LMBR1: variants seen among roughly 807,000 people sequenced by gnomAD.
The protein encoded by LMBR1 is limb region 1 protein homolog.
A neutral mutation model predicts 73.9 loss-of-function variants in LMBR1; 52 were observed. That is an observed-to-expected ratio of 0.70 (90% CI 0.56 to 0.89). The LOEUF is 0.89. Ranked by LOEUF, LMBR1 falls within the 40% of genes least tolerant of loss-of-function variation. LMBR1 has a pLI of 0.00. For missense variants in LMBR1, 539 were observed against 579.8 expected, an observed-to-expected ratio of 0.93 and a Z score of 0.72; for synonymous variants, 215 against 209.4, an observed-to-expected ratio of 1.03 and a Z score of -0.23.
At chr7:156,867,353 G>C (rs1239517693) in intron 1 of LMBR1, among the ~76,000 whole-genome samples, 2 of 152,192 alleles carry the variant, frequency 1.3e-5, no homozygotes, top group Non-Finnish European at 2.9e-5. Context: ...AAAACAGGTT[G>C]GCAGTTCCTC....
rs566494805 is a variant in LMBR1, at chr7:156,713,635, A to C, written c.1225+10477T>G. Among the ~76,000 whole-genome samples, 55 of 152,016 alleles carry C rather than the reference A, an allele frequency of 3.6e-4. No individual in the cohort carries two copies. In the South Asian group the frequency reaches 5.8e-3, roughly 16 times the overall value. On this transcript the variant is annotated intron_variant, in intron 15 of 16. Transcript: ENST00000353442. ...ATGGTGGATAGGGGAACACGAGCGG[A>C]GTCTGAGGGGAGAAATGTTTGGGGG...
chr7:156,703,260 TG>T (rs1215054001), intron 15 of LMBR1, among the ~76,000 whole-genome samples: 1 of 152,098 alleles, frequency 6.6e-6, no homozygotes, highest in African/African-American at 2.4e-5. Context: ...TAGGGGGACT[TG>T]GGCTGGGGTT....
rs567325938 is a variant in LMBR1 at position 156,791,761 on chromosome 7, C to T, written c.423+4628G>A. Among the ~76,000 whole-genome samples, 101 of 152,208 alleles carry T rather than the reference C, an allele frequency of 6.6e-4. No homozygotes were observed. Among genetic ancestry groups the T allele is most frequent in the Admixed American group, 3.3e-4 (5 of 15,284 alleles). On this transcript the variant is annotated intron_variant, in intron 5 of 16. Coordinates refer to ENST00000353442, the MANE Select transcript of LMBR1 (RefSeq NM_022458.4). Reference sequence around the variant, plus strand: ...GAGTTAACCTCTTAATCCTACAGACCGTGTGCTACGCTCTGGCCATTCAGG... The same window carrying T: ...GAGTTAACCTCTTAATCCTACAGACTGTGTGCTACGCTCTGGCCATTCAGG...
chr7:156,802,371 T>C (rs1468669575), intron 4 of LMBR1, among the ~76,000 whole-genome samples: 3 of 152,240 alleles, frequency 2.0e-5, no homozygotes, highest in African/African-American at 4.8e-5. Flanking sequence ...AATATATTTC[T>C]ACACCTCATT....
At chr7:156,838,942 T>C (rs1019862842) in intron 1 of LMBR1, among the ~76,000 whole-genome samples, 3 of 152,182 alleles carry the variant, frequency 2.0e-5, no homozygotes, top group African/African-American at 7.2e-5. Flanking sequence ...GTCATGGTGG[T>C]TTTGACTTAT....
chr7:156,876,580 G>C (rs1024584576), intron 1 of LMBR1, among the ~76,000 whole-genome samples: 4 of 152,102 alleles, frequency 2.6e-5, no homozygotes, highest in African/African-American at 7.2e-5. Flanking sequence ...CACAAAACAA[G>C]TCTTAATAAA....
intron 12 of LMBR1, among the ~76,000 whole-genome samples, chr7:156,726,417 C>T (rs1815770759): frequency 6.6e-6 from 1 of 151,236 alleles, no homozygotes; most frequent in Non-Finnish European, 1.5e-5. Context: ...AAATTTTTTC[C>T]TAAACAATTA....
rs1814673154 is a variant in LMBR1, at chr7:156,721,948, T to C, written c.1225+2164A>G. ...AAAGCCTGCGATGCATCAACAATAA[T>C]AGTGGGCAAATGTTTAAAAAAGAAA... On this transcript the variant is annotated intron_variant, in intron 15 of 16. Coordinates refer to ENST00000353442, the MANE Select transcript of LMBR1 (RefSeq NM_022458.4). Among the ~76,000 whole-genome samples, 6 of 152,108 alleles carry C rather than the reference T, an allele frequency of 3.9e-5. No homozygotes were observed. The South Asian group carries it at 1.0e-3, about 26-fold the overall frequency.
At chr7:156,819,153 C>A (rs140410691) in intron 4 of LMBR1, among the ~76,000 whole-genome samples, 1 of 152,334 alleles carries the variant, frequency 6.6e-6, no homozygotes, top group East Asian at 1.9e-4. Flanking sequence ...ACACAGTTTA[C>A]TAAGGTTATT....
Position 156,824,089 on chromosome 7 carries a change from CAA to C in LMBR1, c.319+2514_319+2515del, listed in dbSNP as rs1835234242. On this transcript the variant is annotated intron_variant, in intron 4 of 16. Coordinates refer to ENST00000353442, the MANE Select transcript of LMBR1 (RefSeq NM_022458.4). ...TGGGTGACAGAGAGAGACTCCATCT[CAA>C]AAAACAACAACAACAACAACAACAA... Among the ~76,000 whole-genome samples, 27 of 126,022 alleles carry C rather than the reference CAA, an allele frequency of 2.1e-4. No homozygotes were observed. In the South Asian group the frequency reaches 6.4e-3, roughly 30 times the overall value. The allele number at this position is 126,022 out of a possible 152,430, so 82.7% of individuals were successfully genotyped here.
At chr7:156,719,701 C>T (rs1174124880) in intron 15 of LMBR1, among the ~76,000 whole-genome samples, 3 of 152,082 alleles carry the variant, frequency 2.0e-5, no homozygotes, top group Non-Finnish European at 2.9e-5. Context: ...TGACTTCAAA[C>T]TATACTACAA....
At chr7:156,861,332 A>G (rs1797687715) in intron 1 of LMBR1, among the ~76,000 whole-genome samples, 1 of 152,124 alleles carries the variant, frequency 6.6e-6, no homozygotes, top group Non-Finnish European at 1.5e-5. Flanking sequence ...CCTTTTAGTC[A>G]CAGCTGGAAC....
intron 15 of LMBR1, among the ~76,000 whole-genome samples, chr7:156,694,803 A>G (rs1310831304): frequency 6.6e-6 from 1 of 152,224 alleles, no homozygotes; most frequent in Non-Finnish European, 1.5e-5. Context: ...GAAATTAACA[A>G]AATAATCCTA....
intron 1 of LMBR1, among the ~76,000 whole-genome samples, chr7:156,849,608 T>C (rs914057978): frequency 1.3e-5 from 2 of 152,192 alleles, no homozygotes; most frequent in Non-Finnish European, 1.5e-5. Flanking sequence ...ATTCCAACTA[T>C]ATTCCGGAAA....
chr7:156,887,266 C>T (rs541282200), intron 1 of LMBR1, among the ~76,000 whole-genome samples: 1 of 152,066 alleles, frequency 6.6e-6, no homozygotes, highest in African/African-American at 2.4e-5. Context: ...AGATTGAGAC[C>T]ATTCTGGCCA....
chr7:156,834,833 A>C (rs1837314735), intron 2 of LMBR1, among the ~76,000 whole-genome samples: 1 of 151,784 alleles, frequency 6.6e-6, no homozygotes, highest in Non-Finnish European at 1.5e-5. Flanking sequence ...CAAGCTAAAG[A>C]GACTGCCCAA....
chr7:156,708,682 G>T (rs779040809), intron 15 of LMBR1, among the ~76,000 whole-genome samples: 1 of 152,180 alleles, frequency 6.6e-6, no homozygotes, highest in Non-Finnish European at 1.5e-5. Context: ...AATCTGGTAG[G>T]GGGGCAGGGT....
intron 9 of LMBR1, among the ~76,000 whole-genome samples, chr7:156,735,410 C>T (rs992483866): frequency 1.3e-5 from 2 of 151,898 alleles, no homozygotes; most frequent in East Asian, 3.9e-4. Context: ...CCTGAATTTT[C>T]CCTATTCCTG....
intron 1 of LMBR1, among the ~76,000 whole-genome samples, chr7:156,877,302 T>G (rs1312325516): frequency 6.7e-6 from 1 of 150,006 alleles, no homozygotes; most frequent in African/African-American, 2.4e-5. Context: ...ACCAGATGGA[T>G]TTATAGCTGA....
Sources: allele counts gnomAD v4.1 joint callset (sites outside exome capture counted in the v4.1 genomes callset), GRCh38; gene constraint gnomAD v4.1.1; transcripts MANE v1.5; gene names NCBI Gene and HGNC (gene_info 2026-07-23, HGNC 2026-07-21).